The following SYTL3 variants were observed in gnomAD, a reference collection of about 807,000 sequenced individuals.
The protein encoded by SYTL3 is synaptotagmin like 3.
In SYTL3, 88 loss-of-function variants were observed where a neutral mutation model predicts 82.1. The observed-to-expected ratio is 1.07, with a 90% confidence interval of 0.90 to 1.28. The LOEUF (loss-of-function observed/expected upper bound fraction) is 1.28. SYTL3 is among the 50% of genes most tolerant of loss of function. SYTL3 has a pLI of 0.00. For synonymous variants in SYTL3, 311 were observed against 289.4 expected, an observed-to-expected ratio of 1.07 and a Z score of -0.76; for missense variants, 831 against 757.6, an observed-to-expected ratio of 1.10 and a Z score of -1.14.
At chr6:158,646,110 G>C (rs1400162043), upstream of SYTL3, among the ~76,000 whole-genome samples, 4 of 152,152 alleles carry the variant, frequency 2.6e-5, no homozygotes, top group African/African-American at 9.7e-5. Flanking sequence ...GCACATAATA[G>C]CTACACAATT....
At chr6:158,724,707 T>C (rs1176294726) in intron 10 of SYTL3, among the ~76,000 whole-genome samples, 2 of 152,220 alleles carry the variant, frequency 1.3e-5, no homozygotes, top group Non-Finnish European at 2.9e-5. Flanking sequence ...AAAACACAAC[T>C]GTATACATCA....
intron 11 of SYTL3, among the ~76,000 whole-genome samples, chr6:158,740,432 C>T (rs1025286090): frequency 2.0e-5 from 3 of 152,074 alleles, no homozygotes; most frequent in Non-Finnish European, 4.4e-5. Flanking sequence ...ATATTAGTTA[C>T]AGTTATTTTA....
At chr6:158,683,606 C>T (rs1213695046) in intron 6 of SYTL3, among the ~76,000 whole-genome samples, 1 of 152,186 alleles carries the variant, frequency 6.6e-6, no homozygotes, top group African/African-American at 2.4e-5. Flanking sequence ...TCTGAAACAC[C>T]ATCAGTGCTG....
In SYTL3 at chr6:158,669,372, A is replaced by G. The variant is rs1777110907; in HGVS notation, c.329+3759A>G. 1.3e-5 allele frequency among the ~76,000 whole-genome samples: 2 copies of G among 152,366 alleles called. 1 individual carries two copies. Among genetic ancestry groups the G allele is most frequent in the African/African-American group, 4.8e-5 (2 of 41,590 alleles). ...TGTCATGCTTTGTAATTGCTGTGACAACAAATCAATGATTCTTCAGCTTCA... is the reference window on the plus strand; with the variant it reads ...TGTCATGCTTTGTAATTGCTGTGACGACAAATCAATGATTCTTCAGCTTCA... On this transcript the variant is annotated intron_variant, in intron 5 of 17. Transcript: ENST00000611299.
Position 158,708,362 on chromosome 6 carries a change from G to A in SYTL3, c.487G>A (p.Glu163Lys), listed in dbSNP as rs764282879. The A allele has an allele frequency of 1.2e-5, 19 of 1,614,028 alleles. No homozygotes were observed. The highest frequency in any genetic ancestry group is 8.9e-5 in the East Asian group (4 of 44,896). Reference sequence around the variant, plus strand: ...TCCTCCTACTCCACCTCCTGTCAGCGAGAGCCAGTGCAGCCGCAGTCCTGG... The same window carrying A: ...TCCTCCTACTCCACCTCCTGTCAGCAAGAGCCAGTGCAGCCGCAGTCCTGG... ...VVPPTPPPVS[E>K]SQCSRSPGRL... The change falls in exon 8 of 18, where the codon GAG (glutamate) becomes AAG (lysine). Residue 163 changes from glutamate to lysine, a missense_variant. By Grantham distance (56) the Glu-to-Lys change is moderately conservative. Transcript: ENST00000611299.
At chr6:158,727,768 C>T (rs1187438985) in intron 11 of SYTL3, among the ~76,000 whole-genome samples, 2 of 149,514 alleles carry the variant, frequency 1.3e-5, no homozygotes, top group Admixed American at 1.3e-4. Flanking sequence ...ACTGTGACCT[C>T]CGCCTCCCAG....
intron 6 of SYTL3, among the ~76,000 whole-genome samples, chr6:158,700,856 T>A (rs1402771460): frequency 1.3e-5 from 2 of 152,176 alleles, no homozygotes; most frequent in Non-Finnish European, 2.9e-5. Context: ...GACCTCATGA[T>A]CTGCCCTCCT....
At chr6:158,744,280 C>CT (rs1787311533) in intron 11 of SYTL3, among the ~76,000 whole-genome samples, 2 of 137,096 alleles carry the variant, frequency 1.5e-5, no homozygotes, top group East Asian at 2.3e-4. Context: ...TGCCCCCAGG[C>CT]TTGTTTTTTT....
Position 158,739,131 on chromosome 6 carries a change from A to G in SYTL3, c.856-6349A>G, listed in dbSNP as rs573241020. 6.6e-5 allele frequency among the ~76,000 whole-genome samples: 10 copies of G among 152,342 alleles called. No individual in the cohort carries two copies. The East Asian group carries it at 1.9e-3, about 29-fold the overall frequency. ...TAAATAGCACAGTCAGATGTTTTTA[A>G]AAATCCAGTCATTGACTTTTTTTGT... is the stretch of plus-strand genomic sequence containing the variant. On this transcript the variant is annotated intron_variant, in intron 11 of 17. Coordinates refer to ENST00000611299, the MANE Select transcript of SYTL3 (RefSeq NM_001242394.2).
intron 2 of SYTL3, among the ~76,000 whole-genome samples, chr6:158,657,713 G>A (rs1473371540): frequency 1.3e-5 from 2 of 152,202 alleles, no homozygotes; most frequent in Non-Finnish European, 2.9e-5. Flanking sequence ...ATCATATTAA[G>A]GACATTGTCT....
intron 13 of SYTL3, among the ~76,000 whole-genome samples, chr6:158,753,077 C>CTTTTTTTTTTTTT (rs34396644): frequency 2.0e-5 from 2 of 99,112 alleles, no homozygotes; most frequent in African/African-American, 4.5e-5. Context: ...TTCTTCTTTT[C>CTTTTTTTTTTTTT]TTTTTTTTTT....
At chr6:158,681,928 G>T (rs1239822755) in intron 5 of SYTL3, among the ~76,000 whole-genome samples, 1 of 152,190 alleles carries the variant, frequency 6.6e-6, no homozygotes, top group Non-Finnish European at 1.5e-5. Flanking sequence ...CAGTTGACAT[G>T]ATACATTGGT....
At chr6:158,754,625 C>T (rs1788832233) in intron 13 of SYTL3, among the ~76,000 whole-genome samples, 1 of 152,236 alleles carries the variant, frequency 6.6e-6, no homozygotes, top group Non-Finnish European at 1.5e-5. Context: ...GAGGCTGAGG[C>T]AGGAGAATGG....
intron 10 of SYTL3, among the ~76,000 whole-genome samples, chr6:158,721,262 C>A (rs1021475040): frequency 2.6e-4 from 40 of 152,274 alleles, no homozygotes; most frequent in African/African-American, 8.9e-4. Context: ...CTTGCCCAGG[C>A]TGGAGTGCAG....
intron 11 of SYTL3, among the ~76,000 whole-genome samples, chr6:158,737,195 C>G (rs1786296075): frequency 6.6e-6 from 1 of 152,144 alleles, no homozygotes; most frequent in Admixed American, 6.5e-5. Context: ...TTGAACTTCA[C>G]CATGACCCTA....
chr6:158,699,697 C>T (rs1296558333), intron 6 of SYTL3, among the ~76,000 whole-genome samples: 4 of 152,034 alleles, frequency 2.6e-5, no homozygotes, highest in East Asian at 3.9e-4. Context: ...CTTGTAATCC[C>T]GGCACTTTGG....
chr6:158,747,069 C>A (rs972485224), intron 12 of SYTL3, among the ~76,000 whole-genome samples: 2 of 152,206 alleles, frequency 1.3e-5, no homozygotes, highest in Non-Finnish European at 2.9e-5. Flanking sequence ...TCACTGCAAC[C>A]TCTGCCTCCT....
At chr6:158,709,237 T>A (rs1397004780) in intron 8 of SYTL3, among the ~76,000 whole-genome samples, 1 of 151,970 alleles carries the variant, frequency 6.6e-6, no homozygotes, top group Non-Finnish European at 1.5e-5. Flanking sequence ...TCAAAAAAAA[T>A]AAATTGTATT....
intron 11 of SYTL3, among the ~76,000 whole-genome samples, chr6:158,738,277 C>T (rs577626984): frequency 2.7e-4 from 41 of 152,308 alleles, no homozygotes; most frequent in Non-Finnish European, 2.6e-4. Context: ...AAACATTTCA[C>T]ACCTCCTCCA....
Sources: gnomAD v4.1 joint callset for allele counts (sites outside exome capture counted in the v4.1 genomes callset) on GRCh38, gnomAD v4.1.1 for gene constraint, MANE v1.5 for transcripts, NCBI Gene and HGNC (gene_info 2026-07-23, HGNC 2026-07-21) for gene names.